GALNT7: variants seen among roughly 807,000 people sequenced by gnomAD.
GALNT7 encodes polypeptide N-acetylgalactosaminyltransferase 7.
Under a neutral mutation model 82.1 loss-of-function variants are expected in GALNT7, and 60 were observed. The ratio of observed to expected loss-of-function variants is 0.73; its 90% CI spans 0.59 to 0.91. The LOEUF (loss-of-function observed/expected upper bound fraction) is 0.91. GALNT7 is among the 40% of genes least tolerant of loss of function. The probability of loss-of-function intolerance (pLI) is 0.00; values close to 1 mark genes in which losing one functional copy is unlikely to be tolerated. For synonymous variants in GALNT7, 243 were observed against 275.1 expected (o/e 0.88, Z 1.15); for missense variants, 660 against 804.2 (o/e 0.82, Z 2.17).
intron 1 of GALNT7, among the ~76,000 whole-genome samples, chr4:173,213,462 T>G (rs991328608): frequency 2.0e-5 from 3 of 152,146 alleles, no homozygotes; most frequent in Admixed American, 2.0e-4. Flanking sequence ...TTGTTATTTC[T>G]AAGTCAATGT....
At chr4:173,295,613 A>C (rs991057672) in intron 4 of GALNT7, 87 bp downstream of exon 4, 14 of 1,365,278 alleles carry the variant, frequency 1.0e-5, no homozygotes, top group Admixed American at 5.4e-5. Context: ...CAGTTTTTTT[A>C]ATTGAAATGA....
chr4:173,212,197 A>G (rs760856462), intron 1 of GALNT7, among the ~76,000 whole-genome samples: 7 of 152,206 alleles, frequency 4.6e-5, no homozygotes, highest in Non-Finnish European at 1.0e-4. Flanking sequence ...TTTAACACTT[A>G]ATTTTGTATG....
intron 2 of GALNT7, among the ~76,000 whole-genome samples, chr4:173,285,908 A>T (rs2126816742): frequency 6.6e-6 from 1 of 152,280 alleles, no homozygotes; most frequent in South Asian, 2.1e-4. Flanking sequence ...TGGCACCTTA[A>T]TCTATTTCCC....
chr4:173,250,856 C>T (rs1372192800), intron 2 of GALNT7, among the ~76,000 whole-genome samples: 1 of 152,152 alleles, frequency 6.6e-6, no homozygotes, highest in Admixed American at 6.5e-5. Context: ...GCTCTTCCCT[C>T]CTCCATGAAT....
At chr4:173,280,174 G>A (rs1162821225) in intron 2 of GALNT7, among the ~76,000 whole-genome samples, 1 of 152,142 alleles carries the variant, frequency 6.6e-6, no homozygotes, top group Non-Finnish European at 1.5e-5. Flanking sequence ...CGAGAGATGA[G>A]TAACTTCCAC....
At chr4:173,274,853 C>T (rs1027079074) in intron 2 of GALNT7, among the ~76,000 whole-genome samples, 2 of 152,178 alleles carry the variant, frequency 1.3e-5, no homozygotes, top group Non-Finnish European at 2.9e-5. Context: ...GGATGTTGAA[C>T]ATATGCTTGG....
At chr4:173,210,824 T>C (rs1301342811) in intron 1 of GALNT7, among the ~76,000 whole-genome samples, 1 of 152,210 alleles carries the variant, frequency 6.6e-6, no homozygotes, top group Non-Finnish European at 1.5e-5. Context: ...AAATATCTTT[T>C]GTAGAAGATA....
intron 1 of GALNT7, among the ~76,000 whole-genome samples, chr4:173,245,500 T>G (rs1166504719): frequency 6.6e-6 from 1 of 152,150 alleles, no homozygotes; most frequent in Non-Finnish European, 1.5e-5. Context: ...CCAACTACTC[T>G]TCTATATTTA....
intron 1 of GALNT7, among the ~76,000 whole-genome samples, chr4:173,200,170 A>G (rs999704603): frequency 3.9e-5 from 6 of 152,244 alleles, no homozygotes; most frequent in Non-Finnish European, 8.8e-5. Flanking sequence ...TTATATATCT[A>G]ACTTCTGTAA....
intron 1 of GALNT7, among the ~76,000 whole-genome samples, chr4:173,203,795 G>T (rs1733013394): frequency 6.6e-6 from 1 of 151,938 alleles, no homozygotes; most frequent in African/African-American, 2.4e-5. Context: ...TTTTTATATT[G>T]TGTATCAACA....
chr4:173,291,974 T>C (rs1194331928), intron 2 of GALNT7, 134 bp from the exon 3 acceptor site: 12 of 577,938 alleles, frequency 2.1e-5, no homozygotes, highest in Middle Eastern at 4.3e-4. Flanking sequence ...TTCTGTTAAA[T>C]TTTGAAGGCT....
At chr4:173,194,018 A>C (rs1179963699) in intron 1 of GALNT7, among the ~76,000 whole-genome samples, 1 of 152,196 alleles carries the variant, frequency 6.6e-6, no homozygotes, top group East Asian at 1.9e-4. Context: ...AAGCAATTAG[A>C]CTTTAGTTTT....
At chr4:173,187,383 GAA>G (rs200424472) in intron 1 of GALNT7, among the ~76,000 whole-genome samples, 3 of 100,968 alleles carry the variant, frequency 3.0e-5, no homozygotes, top group African/African-American at 7.4e-5. Flanking sequence ...GAGGACATTA[GAA>G]AAAAAAAAAA....
At chr4:173,179,120 A>T (rs187534483) in intron 1 of GALNT7, among the ~76,000 whole-genome samples, 220 of 152,344 alleles carry the variant, frequency 1.4e-3, no homozygotes, top group African/African-American at 5.2e-3. Flanking sequence ...AAAACTATGT[A>T]TTCACTGGTA....
At chr4:173,243,347 G>A (rs1579948124) in intron 1 of GALNT7, among the ~76,000 whole-genome samples, 1 of 152,242 alleles carries the variant, frequency 6.6e-6, no homozygotes, top group Admixed American at 6.5e-5. Flanking sequence ...GTGATAAGTG[G>A]TTATATTTTT....
rs559990677 is a variant in GALNT7 at position 173,300,335 on chromosome 4, CCT to C, written c.1149-1711_1149-1710del. 2.5e-3 allele frequency among the ~76,000 whole-genome samples: 379 copies of C among 152,066 alleles called. 3 individuals are homozygous for C. Among genetic ancestry groups the C allele is most frequent in the African/African-American group, 8.8e-3 (364 of 41,470 alleles). On this transcript the variant is annotated intron_variant, in intron 6 of 11. Transcript: ENST00000265000. ...TGCAGCCTGGGCAACAGAGTGAGAC[CCT>C]GTCTCACAAAACAAACAAAACTCTG... is the stretch of plus-strand genomic sequence containing the variant.
At position 173,322,568 on chromosome 4, in the gene GALNT7, A is replaced by C. The variant is rs998718400; in HGVS notation, c.*851A>C. 13 of 152,280 alleles carry C rather than the reference A, an allele frequency of 8.5e-5. No individual in the cohort carries two copies. In the East Asian group the frequency reaches 2.5e-3, roughly 29 times the overall value. The allele number at this position is 152,280 out of a possible 1,614,324, so 9.4% of individuals were successfully genotyped here. The stretch of plus-strand genomic sequence containing the variant: ...TCTTCCAACTAGAGAAAAATTGTCC[A>C]CTGACATTTGGGATTTACTTTTCTC... On this transcript the variant is annotated 3_prime_UTR_variant, in exon 12 of 12. Coordinates refer to ENST00000265000, the MANE Select transcript of GALNT7 (RefSeq NM_017423.3).
chr4:173,278,205 G>A (rs1023164558), intron 2 of GALNT7, among the ~76,000 whole-genome samples: 1 of 152,214 alleles, frequency 6.6e-6, no homozygotes, highest in Non-Finnish European at 1.5e-5. Flanking sequence ...CCTAAAAGAA[G>A]ACATGTGTTT....
chr4:173,295,140 TTAAC>T (rs1736673839), intron 3 of GALNT7, among the ~76,000 whole-genome samples: 1 of 152,228 alleles, frequency 6.6e-6, no homozygotes, highest in African/African-American at 2.4e-5. Flanking sequence ...TCTTAAAACC[TTAAC>T]TGTCAATTCG....
Sources: allele counts gnomAD v4.1 joint callset (sites outside exome capture counted in the v4.1 genomes callset), GRCh38; gene constraint gnomAD v4.1.1; transcripts MANE v1.5; gene names NCBI Gene and HGNC (gene_info 2026-07-23, HGNC 2026-07-21).